Variants in FRAS1 observed in about 807,000 individuals in gnomAD.
FRAS1 encodes extracellular matrix organizing protein FRAS1.
A neutral mutation model predicts 435.2 loss-of-function variants in FRAS1; 290 were observed. That is an observed-to-expected ratio of 0.67 (90% CI 0.61 to 0.73). The LOEUF is 0.73. Ranked by LOEUF, FRAS1 falls within the 30% of genes least tolerant of loss-of-function variation. The pLI, the probability that FRAS1 is intolerant of heterozygous loss-of-function variation, is 0.00. For missense variants in FRAS1, 4,860 were observed against 5,001.5 expected (o/e 0.97, Z 0.85); for synonymous variants, 1,800 against 1,851.0 (o/e 0.97, Z 0.71).
intron 2 of FRAS1, among the ~76,000 whole-genome samples, chr4:78,194,256 T>C (rs1047319123): frequency 2.0e-5 from 3 of 152,140 alleles, no homozygotes; most frequent in East Asian, 3.9e-4. Flanking sequence ...TATCTTGGAG[T>C]TGCTCTTCTC....
intron 31 of FRAS1, among the ~76,000 whole-genome samples, chr4:78,412,298 C>G (rs1733369782): frequency 6.6e-6 from 1 of 152,120 alleles, no homozygotes; most frequent in South Asian, 2.1e-4. Context: ...GCTTAGCAAA[C>G]AATGGAGAGA....
intron 2 of FRAS1, among the ~76,000 whole-genome samples, chr4:78,170,319 C>T (rs1368135472): frequency 1.3e-5 from 2 of 152,126 alleles, no homozygotes; most frequent in East Asian, 3.9e-4. Context: ...ATAGTTGGTG[C>T]TTAGTAAATC....
chr4:78,471,721 G>T (rs72869990), intron 51 of FRAS1, among the ~76,000 whole-genome samples: 3,031 of 152,298 alleles, frequency 0.02, 114 homozygotes, highest in African/African-American at 0.069. Flanking sequence ...AGGGTACAGT[G>T]TGTTTCTCTT....
intron 2 of FRAS1, among the ~76,000 whole-genome samples, chr4:78,186,690 A>G (rs898553975): frequency 2.6e-5 from 4 of 152,200 alleles, no homozygotes; most frequent in African/African-American, 9.6e-5. Flanking sequence ...GACAACATCA[A>G]AATTGTGTTC....
chr4:78,343,348 G>A (rs1048038065), intron 20 of FRAS1, among the ~76,000 whole-genome samples: 2 of 152,030 alleles, frequency 1.3e-5, no homozygotes, highest in African/African-American at 4.8e-5. Flanking sequence ...TGAACAATTG[G>A]TTTGCACCCC....
chr4:78,516,070 GT>G, intron 66 of FRAS1, 57 bp downstream of exon 66: 1 of 1,380,538 alleles, frequency 7.2e-7, no homozygotes, highest in Non-Finnish European at 9.9e-7. Context: ...GGTCAACCTT[GT>G]TTGTTCCTGA....
intron 2 of FRAS1, among the ~76,000 whole-genome samples, chr4:78,235,557 TC>T (rs1290298711): frequency 6.6e-6 from 1 of 152,186 alleles, no homozygotes; most frequent in Admixed American, 6.5e-5. Context: ...AACTCTTGCT[TC>T]CTAAGGATCT....
rs556880073 is a variant in FRAS1, at chr4:78,467,701, G to A, written c.7257+1266G>A. Among the ~76,000 whole-genome samples, 12 of 152,254 alleles carry A rather than the reference G, an allele frequency of 7.9e-5. No individual in the cohort carries two copies. The South Asian group carries it at 2.5e-3, about 32-fold the overall frequency. On this transcript the variant is annotated intron_variant, in intron 50 of 73. Coordinates refer to ENST00000512123, the MANE Select transcript of FRAS1 (RefSeq NM_025074.7). Reference sequence around the variant, plus strand: ...TTACATTCCCACCAACAGTGTATGAGGGTTCCCTTTTCTCCACATTCTCAT... The same window carrying A: ...TTACATTCCCACCAACAGTGTATGAAGGTTCCCTTTTCTCCACATTCTCAT...
chr4:78,387,314 A>T, intron 28 of FRAS1, 61 bp from the exon 29 acceptor site: 2 of 1,188,130 alleles, frequency 1.7e-6, no homozygotes, highest in Non-Finnish European at 2.4e-6. Flanking sequence ...TCAGGTATCT[A>T]GTCCACTGGA....
At chr4:78,343,179 G>T (rs2110273657) in intron 20 of FRAS1, among the ~76,000 whole-genome samples, 1 of 152,294 alleles carries the variant, frequency 6.6e-6, no homozygotes, top group South Asian at 2.1e-4. Flanking sequence ...CCTTAAAAAT[G>T]CATATGTGTG....
chr4:78,477,081 C>A (rs903306787), intron 54 of FRAS1, among the ~76,000 whole-genome samples: 1 of 151,594 alleles, frequency 6.6e-6, no homozygotes, highest in Admixed American at 6.6e-5. Context: ...TTGTACTGGG[C>A]TAAATTGATT....
chr4:78,064,014 A>G (rs1438614750), intron 1 of FRAS1, among the ~76,000 whole-genome samples: 4 of 151,902 alleles, frequency 2.6e-5, no homozygotes, highest in Non-Finnish European at 4.4e-5. Context: ...AGATATATAG[A>G]ATTATTTTAG....
chr4:78,337,793 C>T lies in FRAS1; in HGVS notation c.2398C>T (p.Leu800Phe), dbSNP rs1206858404. 6.2e-7 allele frequency: 1 copy of T among 1,613,966 alleles called. No homozygotes were observed. The highest frequency in any genetic ancestry group is 8.5e-7 in the Non-Finnish European group (1 of 1,179,872). Residue 800 changes from leucine (L) to phenylalanine (F), a missense_variant, in exon 20 of 74, where the codon CTC becomes TTC. Transcript: ENST00000512123. ...CRTSCREEQF[L>F]NLVGYCADCH... is the part of the protein sequence containing the mutation. ...GACCAGCTGCAGGGAAGAGCAGTTC[C>T]TCAACCTCGTGGGATACTGTGCTGG...
intron 42 of FRAS1, chr4:78,446,318 A>G: frequency 9.8e-7 from 1 of 1,019,550 alleles, no homozygotes; most frequent in Non-Finnish European, 1.2e-6. Flanking sequence ...AGAGACCCAC[A>G]CTTTCAAATA....
In FRAS1 at chr4:78,513,459, C is replaced by T. The variant is rs1352183871; in HGVS notation, c.10081C>T (p.His3361Tyr). ...GCCCCTTATCTCCACCATGCCGTTG[C>T]ACAACTTACATTTTCTACTGTCTGA... ...MLPLISTMPL[H>Y]NLHFLLSESI... Residue 3361 changes from histidine (H) to tyrosine (Y), a missense_variant, in exon 65 of 74, where the codon CAC becomes TAC. Physicochemically the swap from His to Tyr is moderately conservative, Grantham distance 83. Transcript: ENST00000512123. The T allele has an allele frequency of 2.5e-6, 4 of 1,613,830 alleles. No homozygotes were observed. The highest frequency in any genetic ancestry group is 1.3e-5 in the African/African-American group (1 of 74,918).
intron 2 of FRAS1, among the ~76,000 whole-genome samples, chr4:78,088,079 G>C (rs1741294994): frequency 6.6e-6 from 1 of 152,120 alleles, no homozygotes; most frequent in Non-Finnish European, 1.5e-5. Flanking sequence ...CTAAAACAGA[G>C]ATATAGACCA....
At chr4:78,230,627 GATTATCTTTCC>G (rs1724478643) in intron 2 of FRAS1, among the ~76,000 whole-genome samples, 3 of 152,138 alleles carry the variant, frequency 2.0e-5, no homozygotes, top group Admixed American at 1.3e-4. Flanking sequence ...CTTTTTTATA[GATTATCTTTCC>G]TGAAAACCAG....
Position 78,400,787 on chromosome 4 carries a change from G to A in FRAS1, c.4029G>A (p.Gly1343=). Residue 1343 remains glycine (G), a synonymous_variant, in exon 30 of 74, where the codon GGG becomes GGA. Transcript: ENST00000512123. ...ATTCGATGGTGTGGGTTCCAGAAGG[G>A]GGGATGCTGCAGATCACCAACAGAA... ...VANSMVWVPE[G]GMLQITNRIL... is the part of the protein sequence containing the mutation. 1 of 1,613,510 alleles carries A rather than the reference G, an allele frequency of 6.2e-7. No homozygotes were observed. The highest frequency in any genetic ancestry group is 1.1e-5 in the South Asian group (1 of 90,968).
intron 1 of FRAS1, among the ~76,000 whole-genome samples, chr4:78,065,358 G>T (rs780782817): frequency 8.6e-5 from 13 of 151,334 alleles, no homozygotes; most frequent in Non-Finnish European, 1.6e-4. Context: ...ATGTAGTGGG[G>T]TAAATACAAC....
Sources: allele counts gnomAD v4.1 joint callset (sites outside exome capture counted in the v4.1 genomes callset), GRCh38; gene constraint gnomAD v4.1.1; transcripts MANE v1.5; gene names NCBI Gene and HGNC (gene_info 2026-07-23, HGNC 2026-07-21).